The following CYLD variants were observed in gnomAD, a reference collection of about 807,000 sequenced individuals.
CYLD encodes CYLD lysine 63 deubiquitinase.
Under a neutral mutation model 104.5 loss-of-function variants are expected in CYLD, and 26 were observed. The observed-to-expected ratio is 0.25, with a 90% CI of 0.18 to 0.35. The LOEUF (loss-of-function observed/expected upper bound fraction) is 0.35, where lower values mean the gene tolerates loss of function less well. CYLD is among the 10% of genes least tolerant of loss of function. CYLD has a pLI of 1.00. For missense variants in CYLD, 703 were observed against 1,136.1 expected, an observed-to-expected ratio of 0.62 and a Z score of 5.48; for synonymous variants, 385 against 399.9, an observed-to-expected ratio of 0.96 and a Z score of 0.45.
chr16:50,786,015 G>A (rs552476028), intron 12 of CYLD: 1 of 152,288 alleles, frequency 6.6e-6, no homozygotes, highest in East Asian at 1.9e-4. Flanking sequence ...CTCCTCTGAA[G>A]CCATTTTTAG....
intron 5 of CYLD, among the ~76,000 whole-genome samples, chr16:50,758,044 T>G (rs1217333830): frequency 2.6e-5 from 4 of 152,202 alleles, no homozygotes; most frequent in African/African-American, 9.7e-5. Context: ...GTTTTCATTC[T>G]AGTGAGTGGA....
At chr16:50,751,964 G>GTA (rs778588431) in intron 4 of CYLD, 58 bp downstream of exon 4, 172 of 503,822 alleles carry the variant, frequency 3.4e-4, no homozygotes, top group East Asian at 4.8e-4. Flanking sequence ...ATATATATAT[G>GTA]TATATATATA....
At chr16:50,743,284 C>G (rs1021816865) in intron 2 of CYLD, among the ~76,000 whole-genome samples, 2 of 152,146 alleles carry the variant, frequency 1.3e-5, no homozygotes, top group Non-Finnish European at 2.9e-5. Flanking sequence ...TTCTACACAC[C>G]CCCTCACGCC....
At chr16:50,754,002 T>C (rs1236592681) in intron 4 of CYLD, among the ~76,000 whole-genome samples, 2 of 152,186 alleles carry the variant, frequency 1.3e-5, no homozygotes, top group Admixed American at 1.3e-4. Flanking sequence ...CTCAAATGGG[T>C]GTTATCCTAC....
At chr16:50,748,446 G>T (rs903070203) in intron 2 of CYLD, among the ~76,000 whole-genome samples, 1 of 152,116 alleles carries the variant, frequency 6.6e-6, no homozygotes, top group Non-Finnish European at 1.5e-5. Context: ...ACCTTGGAAG[G>T]CCAAGGTGGG....
In CYLD at chr16:50,751,702, G is replaced by A; in HGVS notation, c.603G>A (p.Lys201=). The change falls in exon 4 of 19, where the codon AAG becomes AAA. Residue 201 remains lysine, a synonymous_variant. Transcript: ENST00000427738. ...GTGGCGTGTTTGTTGCATTGGACAAGCTAGAACTCATAGAAGATGATGACA... is the reference window on the plus strand; with the variant it reads ...GTGGCGTGTTTGTTGCATTGGACAAACTAGAACTCATAGAAGATGATGACA... ...EDCGVFVALD[K]LELIEDDDTA... 3 of 1,613,826 alleles carry A rather than the reference G, an allele frequency of 1.9e-6. No homozygotes were observed. Among genetic ancestry groups the A allele is most frequent in the Non-Finnish European group, 2.5e-6 (3 of 1,179,830 alleles).
intron 6 of CYLD, 118 bp from the exon 7 acceptor site, chr16:50,776,061 A>G (rs1969646581): frequency 4.0e-6 from 3 of 750,356 alleles, no homozygotes; most frequent in East Asian, 2.6e-5. Flanking sequence ...GGCATTTGTA[A>G]AACTAAAAAT....
At chr16:50,758,336 G>A (rs1967507144) in intron 5 of CYLD, among the ~76,000 whole-genome samples, 1 of 152,186 alleles carries the variant, frequency 6.6e-6, no homozygotes, top group Non-Finnish European at 1.5e-5. Flanking sequence ...CAGATGGAGT[G>A]AGGGAGAAAG....
At chr16:50,793,492 G>T in intron 16 of CYLD, 54 bp from the exon 17 acceptor site, 2 of 1,168,426 alleles carry the variant, frequency 1.7e-6, no homozygotes, top group Non-Finnish European at 2.6e-6. Context: ...CTTCATGAAA[G>T]AATGCATTTT....
chr16:50,751,572 T>A (rs745934140), intron 3 of CYLD, 32 bp from the exon 4 acceptor site: 19 of 1,606,392 alleles, frequency 1.2e-5, no homozygotes, highest in Middle Eastern at 1.6e-4. Flanking sequence ...TCTTTCTATA[T>A]CTATTTCTTT....
In CYLD at chr16:50,770,259, C is replaced by G. The variant is rs528210264; in HGVS notation, c.914-4907C>G. 5.1e-4 allele frequency among the ~76,000 whole-genome samples: 77 copies of G among 152,228 alleles called. 1 individual carries two copies. In the South Asian group the frequency reaches 0.015, roughly 30 times the overall value. On this transcript the variant is annotated intron_variant, in intron 5 of 18. Transcript: ENST00000427738. Reference sequence around the variant, plus strand: ...GACTGTACTCTTACTTTACCACTGGCAATATATGGGTAATCTGGTTTCTCT... The same window carrying G: ...GACTGTACTCTTACTTTACCACTGGGAATATATGGGTAATCTGGTTTCTCT...
intron 7 of CYLD, among the ~76,000 whole-genome samples, chr16:50,776,763 C>G (rs1969728462): frequency 6.6e-6 from 1 of 152,120 alleles, no homozygotes; most frequent in Non-Finnish European, 1.5e-5. Context: ...TTGTTAGCTT[C>G]CACATACTTC....
At position 50,786,660 on chromosome 16, in the gene CYLD, T is replaced by C; in HGVS notation, c.1950-195T>C. ...CTGTAATTCCAGCTACTTTGGTGGC[T>C]GAGGCATGAGAATCTCTTGAGCCTG... On this transcript the variant is annotated intron_variant, in intron 12 of 18. Transcript: ENST00000427738. The C allele has an allele frequency of 5.7e-6, 3 of 523,166 alleles. No homozygotes were observed. The Admixed American group carries it at 9.9e-5, about 17-fold the overall frequency. 32.4% of individuals were successfully genotyped at this position (523,166 alleles called of 1,614,324 possible).
At chr16:50,781,489 T>TGGTGACA in intron 10 of CYLD, 78 bp downstream of exon 10, 1 of 1,507,500 alleles carries the variant, frequency 6.6e-7, no homozygotes, top group South Asian at 1.1e-5. Context: ...TATTAGGTGA[T>TGGTGACA]GGTGACAGTG....
In CYLD at chr16:50,799,802, C is replaced by T. The variant is rs1338843575; in HGVS notation, c.*3294C>T. On this transcript the variant is annotated 3_prime_UTR_variant, in exon 19 of 19. Transcript: ENST00000427738. ...AAAATTATCTGGCCAGATAATTTTGCATCTGCTTGGATGATTGTAGACTGA... is the reference window on the plus strand; with the variant it reads ...AAAATTATCTGGCCAGATAATTTTGTATCTGCTTGGATGATTGTAGACTGA... 4.3e-6 allele frequency: 1 copy of T among 232,920 alleles called. No individual in the cohort carries two copies. Among genetic ancestry groups the T allele is most frequent in the Admixed American group, 5.6e-5 (1 of 17,752 alleles). 14.4% of individuals were successfully genotyped at this position (232,920 alleles called of 1,614,324 possible).
rs970585759 is a variant in CYLD at position 50,800,060 on chromosome 16, A to C, written c.*3552A>C. On this transcript the variant is annotated 3_prime_UTR_variant, in exon 19 of 19. Coordinates refer to ENST00000427738, the MANE Select transcript of CYLD (RefSeq NM_001378743.1). ...GGTGTGCTGTGACAGAAAAAGTGGCAGAGTAGGGACGAGAGACCTGCATTC... is the reference window on the plus strand; with the variant it reads ...GGTGTGCTGTGACAGAAAAAGTGGCCGAGTAGGGACGAGAGACCTGCATTC... 3 of 233,056 alleles carry C rather than the reference A, an allele frequency of 1.3e-5. No homozygotes were observed. The highest frequency in any genetic ancestry group is 6.6e-5 in the African/African-American group (3 of 45,314). The allele number at this position is 233,056 out of a possible 1,614,324, so 14.4% of individuals were successfully genotyped here.
chr16:50,786,632 C>T (rs1045394503), intron 12 of CYLD: 9 of 470,586 alleles, frequency 1.9e-5, no homozygotes, highest in Non-Finnish European at 3.1e-5. Flanking sequence ...TGGTGGTGCA[C>T]GCCTGTAATT....
chr16:50,746,281 A>G (rs1441382368), intron 2 of CYLD, among the ~76,000 whole-genome samples: 1 of 152,050 alleles, frequency 6.6e-6, no homozygotes, highest in Non-Finnish European at 1.5e-5. Flanking sequence ...CAAGCTGTCC[A>G]CTCACCTTGG....
chr16:50,786,802 G>A lies in CYLD; in HGVS notation c.1950-53G>A. 4 of 1,187,372 alleles carry A rather than the reference G, an allele frequency of 3.4e-6. No individual in the cohort carries two copies. In the South Asian group the frequency reaches 3.7e-5, roughly 11 times the overall value. The allele number at this position is 1,187,372 out of a possible 1,614,324, so 73.6% of individuals were successfully genotyped here. A position where few individuals can be genotyped will look rare whatever the true frequency, so the allele number is the denominator to read the frequency against. On this transcript the variant is annotated intron_variant, in intron 12 of 18. Transcript: ENST00000427738. The stretch of plus-strand genomic sequence containing the variant: ...AAAAAGAAATATGTGATTAAGATGT[G>A]TTATATAATTTAATACATGCCAATA...
Sources: gnomAD v4.1 joint callset for allele counts (sites outside exome capture counted in the v4.1 genomes callset) on GRCh38, gnomAD v4.1.1 for gene constraint, MANE v1.5 for transcripts, NCBI Gene and HGNC (gene_info 2026-07-23, HGNC 2026-07-21) for gene names.